The following C15orf62 variants were observed in gnomAD, a reference collection of about 807,000 sequenced individuals.
The protein encoded by C15orf62 is chromosome 15 open reading frame 62.
A neutral mutation model predicts 13.2 loss-of-function variants in C15orf62; 11 were observed. The observed-to-expected ratio is 0.83, with a 90% CI of 0.52 to 1.38. The LOEUF (loss-of-function observed/expected upper bound fraction) is 1.38, where lower values mean the gene tolerates loss of function less well. Among genes scored for constraint, C15orf62 ranks in the 40% most tolerant of loss-of-function variants. The pLI, the probability that C15orf62 is intolerant of heterozygous loss-of-function variation, is 0.00. For synonymous variants in C15orf62, 88 were observed against 95.6 expected (o/e 0.92, Z 0.46); for missense variants, 204 against 229.1 (o/e 0.89, Z 0.71).
In C15orf62 at chr15:40,770,507, G is replaced by A; in HGVS notation, c.12G>A (p.Trp4Ter). The change falls in exon 1 of 1, where the codon TGG (tryptophan) becomes TGA (stop). Residue 4 changes from tryptophan (W) to a stop codon, truncating the protein, a stop_gained. Transcript: ENST00000344320. LOFTEE classifies it high-confidence loss of function. The surrounding 1 kb of genome is among the most constrained non-coding windows in gnomAD (Gnocchi z 5.0). ...CTCCCCTGGGCCCCATGGAGACCTG[G>A]CGGAAAGGCTCCTTCCGCAACGCCT... MET[W>*]RKGSFRNASF... The A allele has an allele frequency of 6.5e-7, 1 of 1,549,690 alleles. No individual in the cohort carries two copies. The highest frequency in any genetic ancestry group is 8.7e-7 in the Non-Finnish European group (1 of 1,146,630).
Position 40,770,787 on chromosome 15 carries a change from C to G in C15orf62, c.292C>G (p.Pro98Ala), listed in dbSNP as rs1889113459. The change falls in exon 1 of 1, where the codon CCC becomes GCC. Residue 98 changes from proline (P) to alanine (A), a missense_variant. Pro to Ala is a conservative substitution (Grantham distance 27). Coordinates refer to ENST00000344320, the MANE Select transcript of C15orf62 (RefSeq NM_001130448.3). This position sits in a 1 kb window ranked among gnomAD's most constrained non-coding sequence, Gnocchi z 5.0. ...ESSSCPNILE[P>A]PPAYTAAYSA... ...CTCAAGCTGCCCCAACATCCTGGAG[C>G]CCCCACCTGCCTACACAGCAGCCTA... 1 of 1,548,052 alleles carries G rather than the reference C, an allele frequency of 6.5e-7. No individual in the cohort carries two copies. The highest frequency in any genetic ancestry group is 1.4e-5 in the African/African-American group (1 of 73,022).
In C15orf62 at chr15:40,770,426, A is replaced by T; in HGVS notation, c.-70A>T. ...GGAGCCTCCCCAGCTGCTGGCACTC[A>T]CTGCCCCAGCAGGGACCACATGCAC... is the stretch of plus-strand genomic sequence containing the variant. On this transcript the variant is annotated 5_prime_UTR_variant, in exon 1 of 1. Transcript: ENST00000344320. This position sits in a 1 kb window ranked among gnomAD's most constrained non-coding sequence, Gnocchi z 5.0. 1 of 1,438,270 alleles carries T rather than the reference A, an allele frequency of 7.0e-7. No homozygotes were observed. The highest frequency in any genetic ancestry group is 1.4e-5 in the South Asian group (1 of 70,594). The allele number at this position is 1,438,270 out of a possible 1,614,324, so 89.1% of individuals were successfully genotyped here.
rs751507060 is a variant in C15orf62, at chr15:40,770,782, T to C, written c.287T>C (p.Leu96Pro). The change falls in exon 1 of 1, where the codon CTG becomes CCG. Residue 96 changes from leucine to proline, a missense_variant. Coordinates refer to ENST00000344320, the MANE Select transcript of C15orf62 (RefSeq NM_001130448.3). The surrounding 1 kb of genome is among the most constrained non-coding windows in gnomAD (Gnocchi z 5.0). ...YRESSSCPNI[L>P]EPPPAYTAAY... ...GAGAGCTCAAGCTGCCCCAACATCC[T>C]GGAGCCCCCACCTGCCTACACAGCA... 6 of 1,547,040 alleles carry C rather than the reference T, an allele frequency of 3.9e-6. No individual in the cohort carries two copies. Among genetic ancestry groups the C allele is most frequent in the Non-Finnish European group, 4.4e-6 (5 of 1,146,750 alleles).
At position 40,771,092 on chromosome 15, in the gene C15orf62, G is replaced by C; in HGVS notation, c.*69G>C. 2 of 1,421,134 alleles carry C rather than the reference G, an allele frequency of 1.4e-6. No homozygotes were observed. The highest frequency in any genetic ancestry group is 1.9e-6 in the Non-Finnish European group (2 of 1,045,008). 88.0% of individuals were successfully genotyped at this position (1,421,134 alleles called of 1,614,324 possible). ...AGGCTGGGGATTAAGGAAAGGACAG[G>C]GACAGGACTCCAGGCCCATCGCTGG... On this transcript the variant is annotated 3_prime_UTR_variant, in exon 1 of 1. Coordinates refer to ENST00000344320, the MANE Select transcript of C15orf62 (RefSeq NM_001130448.3).
chr15:40,771,080 A>C lies in C15orf62; in HGVS notation c.*57A>C. 6.7e-7 allele frequency: 1 copy of C among 1,483,058 alleles called. No homozygotes were observed. The highest frequency in any genetic ancestry group is 9.1e-7 in the Non-Finnish European group (1 of 1,096,024). The allele number at this position is 1,483,058 out of a possible 1,614,324, so 91.9% of individuals were successfully genotyped here. On this transcript the variant is annotated 3_prime_UTR_variant, in exon 1 of 1. Transcript: ENST00000344320. ...TGGAAGATCCAGAGGCTGGGGATTA[A>C]GGAAAGGACAGGGACAGGACTCCAG...
In C15orf62 at chr15:40,771,231, G is replaced by C; in HGVS notation, c.*208G>C. 1.7e-6 allele frequency: 1 copy of C among 600,140 alleles called. No individual in the cohort carries two copies. Among genetic ancestry groups the C allele is most frequent in the Non-Finnish European group, 3.0e-6 (1 of 332,342 alleles). 37.2% of individuals were successfully genotyped at this position (600,140 alleles called of 1,614,324 possible). A position where few individuals can be genotyped will look rare whatever the true frequency, so the allele number is the denominator to read the frequency against. ...GTCCTTCCAGGCACCCCAGAGTGGA[G>C]GGACAGAGGCAATCTGGAAATGTTG... On this transcript the variant is annotated 3_prime_UTR_variant, in exon 1 of 1. Transcript: ENST00000344320.
chr15:40,770,447 T>C lies in C15orf62; in HGVS notation c.-49T>C. On this transcript the variant is annotated 5_prime_UTR_variant, in exon 1 of 1. It removes an upstream start codon present in the reference 5' UTR. Transcript: ENST00000344320. This position sits in a 1 kb window ranked among gnomAD's most constrained non-coding sequence, Gnocchi z 5.0. ...ACTCACTGCCCCAGCAGGGACCACA[T>C]GCACCCTGGCTGCTCCTGAACACCT... The C allele has an allele frequency of 6.6e-7, 1 of 1,506,300 alleles. No homozygotes were observed. Among genetic ancestry groups the C allele is most frequent in the East Asian group, 2.5e-5 (1 of 40,714 alleles). 93.3% of individuals were successfully genotyped at this position (1,506,300 alleles called of 1,614,324 possible).
In C15orf62 at chr15:40,770,424, T is replaced by C; in HGVS notation, c.-72T>C. On this transcript the variant is annotated 5_prime_UTR_variant, in exon 1 of 1. Coordinates refer to ENST00000344320, the MANE Select transcript of C15orf62 (RefSeq NM_001130448.3). The surrounding 1 kb of genome is among the most constrained non-coding windows in gnomAD (Gnocchi z 5.0). Reference sequence around the variant, plus strand: ...GGGGAGCCTCCCCAGCTGCTGGCACTCACTGCCCCAGCAGGGACCACATGC... The same window carrying C: ...GGGGAGCCTCCCCAGCTGCTGGCACCCACTGCCCCAGCAGGGACCACATGC... 1 of 1,429,290 alleles carries C rather than the reference T, an allele frequency of 7.0e-7. No individual in the cohort carries two copies. Among genetic ancestry groups the C allele is most frequent in the Non-Finnish European group, 9.3e-7 (1 of 1,073,356 alleles). 88.5% of individuals were successfully genotyped at this position (1,429,290 alleles called of 1,614,324 possible).
In C15orf62 at chr15:40,771,209, C is replaced by T; in HGVS notation, c.*186C>T. 1 of 638,702 alleles carries T rather than the reference C, an allele frequency of 1.6e-6. No individual in the cohort carries two copies. Among genetic ancestry groups the T allele is most frequent in the East Asian group, 2.8e-5 (1 of 36,200 alleles). The allele number at this position is 638,702 out of a possible 1,614,324, so 39.6% of individuals were successfully genotyped here. On this transcript the variant is annotated 3_prime_UTR_variant, in exon 1 of 1. Transcript: ENST00000344320. ...CCTGCTCTCTGGGTCCTGGACAGTC[C>T]TTCCAGGCACCCCAGAGTGGAGGGA...
chr15:40,770,865 T>A lies in C15orf62; in HGVS notation c.370T>A (p.Ser124Thr). 6.4e-7 allele frequency: 1 copy of A among 1,551,478 alleles called. No individual in the cohort carries two copies. The highest frequency in any genetic ancestry group is 8.7e-7 in the Non-Finnish European group (1 of 1,146,982). Residue 124 changes from serine to threonine, a missense_variant, in exon 1 of 1, where the codon TCA becomes ACA. Ser to Thr is a moderately conservative substitution (Grantham distance 58). Transcript: ENST00000344320. This position sits in a 1 kb window ranked among gnomAD's most constrained non-coding sequence, Gnocchi z 5.0. ...TCTGTCGAGTGCCCTCCACCAGCAC[T>A]CAGAGAAGGGCCTTGTGGACACTCC... Reference protein sequence around the residue: ...LSLSSALHQHSEKGLVDTPCF... With the variant: ...LSLSSALHQHTEKGLVDTPCF...
At position 40,770,901 on chromosome 15, in the gene C15orf62, A is replaced by G. The variant is rs746255696; in HGVS notation, c.406A>G (p.Arg136Gly). 10 of 1,551,404 alleles carry G rather than the reference A, an allele frequency of 6.4e-6. No individual in the cohort carries two copies. Among genetic ancestry groups the G allele is most frequent in the South Asian group, 1.2e-5 (1 of 84,072 alleles). ...KGLVDTPCFQ[R>G]TPTPDLSDPF... ...CCTTGTGGACACTCCCTGCTTCCAG[A>G]GGACACCTACCCCAGACCTCAGTGA... Residue 136 changes from arginine (R) to glycine (G), a missense_variant, in exon 1 of 1, where the codon AGG becomes GGG. Transcript: ENST00000344320. This position sits in a 1 kb window ranked among gnomAD's most constrained non-coding sequence, Gnocchi z 5.0.
Position 40,770,608 on chromosome 15 carries a change from C to T in C15orf62, c.113C>T (p.Thr38Ile), listed in dbSNP as rs1325150398. 4 of 1,550,600 alleles carry T rather than the reference C, an allele frequency of 2.6e-6. No individual in the cohort carries two copies. In the African/African-American group the frequency reaches 5.5e-5, roughly 21 times the overall value. ...AGTAGTGTGCTTAGCCAGGCCAGCA[C>T]AGCAGGTGGGGACCACGAGGAGTAC... Reference protein sequence around the residue: ...RQSSVLSQASTAGGDHEEYSN... With the variant: ...RQSSVLSQASIAGGDHEEYSN... The change falls in exon 1 of 1, where the codon ACA becomes ATA. Residue 38 changes from threonine (T) to isoleucine (I), a missense_variant. Thr to Ile is a moderately conservative substitution (Grantham distance 89). Transcript: ENST00000344320. This position sits in a 1 kb window ranked among gnomAD's most constrained non-coding sequence, Gnocchi z 5.0.
chr15:40,771,047 G>A lies in C15orf62; in HGVS notation c.*24G>A, dbSNP rs916679806. On this transcript the variant is annotated 3_prime_UTR_variant, in exon 1 of 1. Transcript: ENST00000344320. ...AAATGGGGTGAGGGTGGGCAAAGCC[G>A]GGGTGACTGGAAGATCCAGAGGCTG... 10 of 1,544,000 alleles carry A rather than the reference G, an allele frequency of 6.5e-6. No individual in the cohort carries two copies. The East Asian group carries it at 7.3e-5, about 11-fold the overall frequency.
rs1889090099 is a variant in C15orf62, at chr15:40,770,234, A to G, written c.-262A>G. 2.0e-6 allele frequency: 1 copy of G among 502,998 alleles called. No individual in the cohort carries two copies. 31.2% of individuals were successfully genotyped at this position (502,998 alleles called of 1,614,324 possible). A position where few individuals can be genotyped will look rare whatever the true frequency, so the allele number is the denominator to read the frequency against. On this transcript the variant is annotated 5_prime_UTR_variant, in exon 1 of 1. Coordinates refer to ENST00000344320, the MANE Select transcript of C15orf62 (RefSeq NM_001130448.3). This position sits in a 1 kb window ranked among gnomAD's most constrained non-coding sequence, Gnocchi z 5.0. ...TGGGTTTTTTTCCACTACCCTATTC[A>G]GTAACCAGGCCACTCCTGTCCCTGT... is the stretch of plus-strand genomic sequence containing the variant.
Position 40,771,482 on chromosome 15 carries a change from G to C in C15orf62, c.*459G>C, listed in dbSNP as rs1053960349. On this transcript the variant is annotated 3_prime_UTR_variant, in exon 1 of 1. Transcript: ENST00000344320. Reference sequence around the variant, plus strand: ...TTGGAAGCCACTGTCAACAGAGAGAGGTCACAGGACAAGCTTGGGTAAAGG... The same window carrying C: ...TTGGAAGCCACTGTCAACAGAGAGACGTCACAGGACAAGCTTGGGTAAAGG... The C allele has an allele frequency of 1.0e-5, 2 of 191,082 alleles. No individual in the cohort carries two copies. The highest frequency in any genetic ancestry group is 4.8e-5 in the African/African-American group (2 of 41,944). The allele number at this position is 191,082 out of a possible 1,614,324, so 11.8% of individuals were successfully genotyped here.
Position 40,770,528 on chromosome 15 carries a change from C to A in C15orf62, c.33C>A (p.Asn11Lys), listed in dbSNP as rs368287645. 56 of 1,550,460 alleles carry A rather than the reference C, an allele frequency of 3.6e-5. 1 individual carries two copies. In the East Asian group the frequency reaches 8.1e-4, roughly 22 times the overall value. The change falls in exon 1 of 1, where the codon AAC becomes AAA. Residue 11 changes from asparagine to lysine, a missense_variant. Coordinates refer to ENST00000344320, the MANE Select transcript of C15orf62 (RefSeq NM_001130448.3). The surrounding 1 kb of genome is among the most constrained non-coding windows in gnomAD (Gnocchi z 5.0). ...CCTGGCGGAAAGGCTCCTTCCGCAA[C>A]GCCTCCTTCTTCAAGCAGCTGAGCC... is the stretch of plus-strand genomic sequence containing the variant. METWRKGSFR[N>K]ASFFKQLSLG...
Position 40,770,752 on chromosome 15 carries a change from A to G in C15orf62, c.257A>G (p.Tyr86Cys). ...GCCCCACCCAAGCCCCCACGCCTCT[A>G]CCGAGAGAGCTCAAGCTGCCCCAAC... ...LLAPPKPPRL[Y>C]RESSSCPNIL... Residue 86 changes from tyrosine (Y) to cysteine (C), a missense_variant, in exon 1 of 1, where the codon TAC becomes TGC. Physicochemically the swap from Tyr to Cys is radical, Grantham distance 194 (BLOSUM62 -2). Coordinates refer to ENST00000344320, the MANE Select transcript of C15orf62 (RefSeq NM_001130448.3). The surrounding 1 kb of genome is among the most constrained non-coding windows in gnomAD (Gnocchi z 5.0). 2 of 1,545,520 alleles carry G rather than the reference A, an allele frequency of 1.3e-6. No homozygotes were observed. The highest frequency in any genetic ancestry group is 1.7e-4 in the Middle Eastern group (1 of 5,990).
chr15:40,770,857 A>G lies in C15orf62; in HGVS notation c.362A>G (p.His121Arg), dbSNP rs969946655. ...GCGCTCTCTCTGTCGAGTGCCCTCC[A>G]CCAGCACTCAGAGAAGGGCCTTGTG... ...PSALSLSSAL[H>R]QHSEKGLVDT... The change falls in exon 1 of 1, where the codon CAC (histidine) becomes CGC (arginine). Residue 121 changes from histidine to arginine, a missense_variant. Physicochemically the swap from His to Arg is conservative, Grantham distance 29. Coordinates refer to ENST00000344320, the MANE Select transcript of C15orf62 (RefSeq NM_001130448.3). The surrounding 1 kb of genome is among the most constrained non-coding windows in gnomAD (Gnocchi z 5.0). 3.9e-6 allele frequency: 6 copies of G among 1,551,306 alleles called. No individual in the cohort carries two copies.
In C15orf62 at chr15:40,770,906, A is replaced by G; in HGVS notation, c.411A>G (p.Thr137=). ...TGGACACTCCCTGCTTCCAGAGGACACCTACCCCAGACCTCAGTGATCCCT... is the reference window on the plus strand; with the variant it reads ...TGGACACTCCCTGCTTCCAGAGGACGCCTACCCCAGACCTCAGTGATCCCT... The part of the protein sequence containing the change: ...GLVDTPCFQR[T]PTPDLSDPFL... The change falls in exon 1 of 1, where the codon ACA becomes ACG. Residue 137 remains threonine, a synonymous_variant. Coordinates refer to ENST00000344320, the MANE Select transcript of C15orf62 (RefSeq NM_001130448.3). The surrounding 1 kb of genome is among the most constrained non-coding windows in gnomAD (Gnocchi z 5.0). 6 of 1,551,414 alleles carry G rather than the reference A, an allele frequency of 3.9e-6. No individual in the cohort carries two copies. Among genetic ancestry groups the G allele is most frequent in the Non-Finnish European group, 5.2e-6 (6 of 1,146,994 alleles).
Sources: allele counts gnomAD v4.1 joint callset, GRCh38; gene constraint gnomAD v4.1.1; non-coding constraint Gnocchi (gnomAD v3.1); transcripts MANE v1.5; gene names NCBI Gene and HGNC (gene_info 2026-07-23, HGNC 2026-07-21).